Variants in PLIN2 observed in about 807,000 individuals in gnomAD.
The protein encoded by PLIN2 is perilipin 2.
PLIN2 carries 33 observed loss-of-function variants against 30.6 expected under a neutral mutation model. The observed-to-expected ratio is 1.08, with a 90% CI of 0.82 to 1.44. The LOEUF is 1.44. Ranked by LOEUF, PLIN2 falls within the 40% of genes most tolerant of loss-of-function variation. The pLI is 0.00. For synonymous variants in PLIN2, 205 were observed against 201.1 expected, an observed-to-expected ratio of 1.02 and a Z score of -0.16; for missense variants, 610 against 531.8, an observed-to-expected ratio of 1.15 and a Z score of -1.45.
intron 5 of PLIN2, 80 bp downstream of exon 5, chr9:19,120,800 C>A (rs2131180863): frequency 8.7e-7 from 1 of 1,150,538 alleles, no homozygotes; most frequent in Non-Finnish European, 1.3e-6. Flanking sequence ...AATTTAGACT[C>A]AAGATGAGAG....
intron 7 of PLIN2, among the ~76,000 whole-genome samples, 165 bp from the exon 8 acceptor site, chr9:19,116,814 A>G (rs1818235892): frequency 6.6e-6 from 1 of 152,194 alleles, no homozygotes; most frequent in African/African-American, 2.4e-5. Context: ...TTTCATAGAT[A>G]TGAATATAAG....
chr9:19,126,840 A>C (rs958607985), intron 1 of PLIN2, among the ~76,000 whole-genome samples: 4 of 152,070 alleles, frequency 2.6e-5, no homozygotes, highest in African/African-American at 9.7e-5. Flanking sequence ...TCAGGAGTTC[A>C]AGACCAGCCT....
intron 2 of PLIN2, among the ~76,000 whole-genome samples, chr9:19,110,594 G>A (rs1409123213): frequency 6.6e-6 from 1 of 152,022 alleles, no homozygotes; most frequent in African/African-American, 2.4e-5. Flanking sequence ...TCCTGCCTCA[G>A]CCACCCAAGT....
Position 19,116,266 on chromosome 9 carries a change from A to T in PLIN2, c.1296T>A (p.Ser432=). 1 of 1,598,468 alleles carries T rather than the reference A, an allele frequency of 6.3e-7. No individual in the cohort carries two copies. Among genetic ancestry groups the T allele is most frequent in the Non-Finnish European group, 8.5e-7 (1 of 1,171,432 alleles). ...MDKSSQETQR[S]EHKTH ...GGCAGGTTTAATGAGTTTTATGCTC[A>T]GATCGCTGGGTCTCCTGGCTGCTCT... The change falls in exon 8 of 8, where the codon TCT becomes TCA. Residue 432 remains serine, a synonymous_variant. Transcript: ENST00000276914.
chr9:19,111,657 G>C (rs1007060540), downstream of PLIN2, among the ~76,000 whole-genome samples: 1 of 152,082 alleles, frequency 6.6e-6, no homozygotes, highest in Non-Finnish European at 1.5e-5. Context: ...AGTTCATTTT[G>C]GGGTGGAGGG....
Position 19,122,269 on chromosome 9 carries a change from A to G in PLIN2, c.310-1104T>C, listed in dbSNP as rs530297874. ...ATTCTAAAGGCTATACACTAAACCT[A>G]CCTATAGTTGTGTACCACATAATAT... On this transcript the variant is annotated intron_variant, in intron 4 of 7. Transcript: ENST00000276914. Among the ~76,000 whole-genome samples, 7 of 152,282 alleles carry G rather than the reference A, an allele frequency of 4.6e-5. No homozygotes were observed. The East Asian group carries it at 1.3e-3, about 29-fold the overall frequency.
rs572837755 is a variant in PLIN2 at position 19,117,296 on chromosome 9, G to GA, written c.913-648dup. On this transcript the variant is annotated intron_variant, in intron 7 of 7. Coordinates refer to ENST00000276914, the MANE Select transcript of PLIN2 (RefSeq NM_001122.4). ...CCACCTCAGCCTCTCGAGCAACTAG[G>GA]ACTACAGGTGCACACCACCACACCC... 2.6e-3 allele frequency among the ~76,000 whole-genome samples: 389 copies of GA among 152,174 alleles called. 1 individual carries two copies. Among genetic ancestry groups the GA allele is most frequent in the Non-Finnish European group, 3.4e-3 (229 of 68,012 alleles).
chr9:19,118,818 G>A (rs900292922), intron 6 of PLIN2, among the ~76,000 whole-genome samples: 2 of 152,134 alleles, frequency 1.3e-5, no homozygotes, highest in East Asian at 1.9e-4. Flanking sequence ...TTAGCCTACC[G>A]AGTAGCTGGG....
intron 5 of PLIN2, among the ~76,000 whole-genome samples, chr9:19,120,289 G>A (rs1564030521): frequency 6.6e-6 from 1 of 151,970 alleles, no homozygotes; most frequent in Admixed American, 6.6e-5. Context: ...GAACTCAAGC[G>A]ATCTGCCTGT....
intron 4 of PLIN2, chr9:19,123,162 T>C: frequency 3.5e-6 from 2 of 576,006 alleles, no homozygotes; most frequent in Non-Finnish European, 6.1e-6. Flanking sequence ...CCTATCATTT[T>C]TGTCAACACT....
At chr9:19,113,080 C>T (rs146840694), downstream of PLIN2, among the ~76,000 whole-genome samples, 7 of 152,062 alleles carry the variant, frequency 4.6e-5, no homozygotes, top group East Asian at 1.2e-3. Flanking sequence ...TGGTGGCTCA[C>T]GCCTGTAATC....
Position 19,121,166 on chromosome 9 carries a change from C to T in PLIN2, c.310-1G>A. ...CAGCGCCTTTGGCATTGGCAACAATCTGTAAGTAGAAAAGCAGATCCCCTG... is the reference window on the plus strand; with the variant it reads ...CAGCGCCTTTGGCATTGGCAACAATTTGTAAGTAGAAAAGCAGATCCCCTG... On this transcript the variant is annotated splice_acceptor_variant, in intron 4 of 7. Coordinates refer to ENST00000276914, the MANE Select transcript of PLIN2 (RefSeq NM_001122.4). LOFTEE classifies it high-confidence loss of function. 6.2e-7 allele frequency: 1 copy of T among 1,613,440 alleles called. No individual in the cohort carries two copies. Among genetic ancestry groups the T allele is most frequent in the Non-Finnish European group, 8.5e-7 (1 of 1,179,580 alleles).
chr9:19,115,310 C>CTTT (rs796763566), downstream of PLIN2, among the ~76,000 whole-genome samples: 3 of 137,806 alleles, frequency 2.2e-5, no homozygotes, highest in Non-Finnish European at 4.7e-5. Context: ...ATTTTCTTTT[C>CTTT]TTTTTTTTTT....
chr9:19,114,638 A>G (rs1385610623), downstream of PLIN2, among the ~76,000 whole-genome samples: 1 of 151,980 alleles, frequency 6.6e-6, no homozygotes, highest in Admixed American at 6.6e-5. Context: ...CCCTGACCTC[A>G]GGTGATCTGC....
Position 19,116,160 on chromosome 9 carries a change from C to T in PLIN2, c.*88G>A. On this transcript the variant is annotated 3_prime_UTR_variant, in exon 8 of 8. Transcript: ENST00000276914. Reference sequence around the variant, plus strand: ...GCCTTTATACTAGCTACTTGCTTCCCAATTTAGGGTTGCCTAGCAAGTTAA... The same window carrying T: ...GCCTTTATACTAGCTACTTGCTTCCTAATTTAGGGTTGCCTAGCAAGTTAA... The T allele has an allele frequency of 7.5e-7, 1 of 1,333,608 alleles. No individual in the cohort carries two copies. The highest frequency in any genetic ancestry group is 1.0e-6 in the Non-Finnish European group (1 of 981,596). 82.6% of individuals were successfully genotyped at this position (1,333,608 alleles called of 1,614,324 possible). A position where few individuals can be genotyped will look rare whatever the true frequency, so the allele number is the denominator to read the frequency against.
At chr9:19,119,588 A>T in intron 6 of PLIN2, 62 bp downstream of exon 6, 1 of 974,712 alleles carries the variant, frequency 1.0e-6, no homozygotes, top group Non-Finnish European at 1.5e-6. Context: ...GATTACATTT[A>T]ATTCTTGGGC....
Position 19,126,106 on chromosome 9 carries a change from G to C in PLIN2, c.226+8C>G, listed in dbSNP as rs1274025121. The stretch of plus-strand genomic sequence containing the variant: ...CCTTGACTTGCATCTTGAAAAATCA[G>C]AACTCACTTTGCGGCTCTAGCTTCT... On this transcript the variant is annotated splice_region_variant and intron_variant, in intron 3 of 7. Coordinates refer to ENST00000276914, the MANE Select transcript of PLIN2 (RefSeq NM_001122.4). 1.9e-6 allele frequency: 3 copies of C among 1,611,962 alleles called. No homozygotes were observed. The highest frequency in any genetic ancestry group is 2.2e-5 in the East Asian group (1 of 44,842).
intron 2 of PLIN2, among the ~76,000 whole-genome samples, chr9:19,110,328 T>C (rs755190632): frequency 6.6e-6 from 1 of 151,524 alleles, no homozygotes; most frequent in Non-Finnish European, 1.5e-5. Context: ...GCACCCAGCC[T>C]GGAGTTATTG....
intron 4 of PLIN2, among the ~76,000 whole-genome samples, chr9:19,122,039 GA>G (rs1345750696): frequency 6.9e-6 from 1 of 144,392 alleles, no homozygotes; most frequent in African/African-American, 2.5e-5. Flanking sequence ...AACCCAGGAG[GA>G]AGAGACAGCA....
Sources: allele counts gnomAD v4.1 joint callset (sites outside exome capture counted in the v4.1 genomes callset), GRCh38; gene constraint gnomAD v4.1.1; transcripts MANE v1.5; gene names NCBI Gene and HGNC (gene_info 2026-07-23, HGNC 2026-07-21).